MYO1A: variants seen among roughly 807,000 people sequenced by gnomAD.
MYO1A encodes unconventional myosin-Ia.
In MYO1A, 127 loss-of-function variants were observed where a neutral mutation model predicts 138.5. That is an observed-to-expected ratio of 0.92 (90% CI 0.79 to 1.06). The LOEUF is 1.06. Among genes scored for constraint, MYO1A ranks in the 50% least tolerant of loss-of-function variants. The pLI is 0.00. For synonymous variants in MYO1A, 477 were observed against 497.5 expected (o/e 0.96, Z 0.55); for missense variants, 1,211 against 1,288.8 (o/e 0.94, Z 0.92).
At position 57,038,525 on chromosome 12, in the gene MYO1A, CT is replaced by C; in HGVS notation, c.1646del (p.Glu549GlyfsTer27). The C allele has an allele frequency of 6.2e-7, 1 of 1,614,198 alleles. No individual in the cohort carries two copies. Among genetic ancestry groups the C allele is most frequent in the Non-Finnish European group, 8.5e-7 (1 of 1,180,048 alleles). On this transcript the variant is annotated frameshift_variant, in exon 17 of 28. Transcript: ENST00000300119. LOFTEE classifies it high-confidence loss of function. ...TGAGAGATGCCTGCTTAGGATTGCC[CT>C]CAGGAAACAAGGACCGAAGGAGGGG... ...QHPLLRSLFPEGNPKQASLKR... is the reference protein window; with the variant it reads ...QHPLLRSLFPXGNPKQASLKR...
At chr12:57,038,101 A>C in intron 17 of MYO1A, 32 bp from the exon 18 acceptor site, 1 of 1,607,176 alleles carries the variant, frequency 6.2e-7, no homozygotes, top group Non-Finnish European at 8.5e-7. Flanking sequence ...CACAGCCTTC[A>C]GGAGCTGACA....
chr12:57,037,120 G>C (rs772585336), intron 19 of MYO1A, 29 bp from the exon 20 acceptor site: 1 of 1,613,340 alleles, frequency 6.2e-7, no homozygotes. Flanking sequence ...GGGTGACAGA[G>C]AGACTGGCTC....
chr12:57,029,547 A>ACCCTTGG lies in MYO1A; in HGVS notation c.2764_2765insCCAAGGG (p.Ile922ThrfsTer35), dbSNP rs750893525. 61 of 1,614,110 alleles carry ACCCTTGG rather than the reference A, an allele frequency of 3.8e-5. No homozygotes were observed. Among genetic ancestry groups the ACCCTTGG allele is most frequent in the Non-Finnish European group, 5.2e-5 (61 of 1,180,044 alleles). On this transcript the variant is annotated frameshift_variant, in exon 26 of 28. Transcript: ENST00000300119. LOFTEE classifies it high-confidence loss of function. ...CTGGGACTTCTTGGTGTCTGTGAGA[A>ACCCTTGG]TCACATGGCCCTTGGTCAGGAGGAG... is the stretch of plus-strand genomic sequence containing the variant.
At chr12:57,036,445 T>A in intron 21 of MYO1A, 64 bp from the exon 22 acceptor site, 2 of 1,523,006 alleles carry the variant, frequency 1.3e-6, no homozygotes, top group Non-Finnish European at 1.8e-6. Context: ...GAGGTTGTAC[T>A]ATTTTTCAAC....
chr12:57,049,055 C>A (rs574833583), intron 1 of MYO1A, among the ~76,000 whole-genome samples: 1 of 152,266 alleles, frequency 6.6e-6, no homozygotes, highest in Non-Finnish European at 1.5e-5. Flanking sequence ...GGATGTGCTA[C>A]ATGTCTGTCT....
chr12:57,043,580 G>A (rs752369676), intron 10 of MYO1A, among the ~76,000 whole-genome samples: 3 of 152,136 alleles, frequency 2.0e-5, no homozygotes, highest in Non-Finnish European at 2.9e-5. Context: ...ACTTTAATAT[G>A]AGAATCTCCT....
rs747934437 is a variant in MYO1A, at chr12:57,038,002, G to A, written c.1828C>T (p.Arg610Trp). The A allele has an allele frequency of 9.3e-6, 15 of 1,614,060 alleles. No homozygotes were observed. Among genetic ancestry groups the A allele is most frequent in the East Asian group, 4.5e-5 (2 of 44,902 alleles). The change falls in exon 18 of 28, where the codon CGG (arginine) becomes TGG (tryptophan). Residue 610 changes from arginine (R) to tryptophan (W), a missense_variant. Coordinates refer to ENST00000300119, the MANE Select transcript of MYO1A (RefSeq NM_005379.4). ...ACGTTCTCCAGCAGTCCCAGGTACC[G>A]AGCCTGGGTTGCCACCAGGTCTGAA... Reference protein sequence around the residue: ...FSSDLVATQARYLGLLENVRV... With the variant: ...FSSDLVATQAWYLGLLENVRV...
chr12:57,037,153 C>T, intron 19 of MYO1A, 62 bp from the exon 20 acceptor site: 1 of 1,597,420 alleles, frequency 6.3e-7, no homozygotes, highest in Non-Finnish European at 8.6e-7. Context: ...CTGTCCTCTC[C>T]TATACCCCAC....
intron 14 of MYO1A, 109 bp from the exon 15 acceptor site, chr12:57,039,383 A>G (rs2136447783): frequency 2.4e-6 from 2 of 848,106 alleles, no homozygotes; most frequent in East Asian, 4.9e-5. Context: ...AGAAAGCCCC[A>G]TAGTTCACAG....
At chr12:57,043,732 C>T in intron 10 of MYO1A, 124 bp downstream of exon 10, 1 of 1,303,260 alleles carries the variant, frequency 7.7e-7, no homozygotes, top group African/African-American at 1.5e-5. Context: ...GGGGAGAACT[C>T]AGGAGTGGGC....
At chr12:57,030,337 G>T (rs1009884336) in intron 23 of MYO1A, 21 bp from the exon 24 acceptor site, 4 of 1,539,324 alleles carry the variant, frequency 2.6e-6, no homozygotes, top group South Asian at 1.1e-5. Flanking sequence ...GGAGGGACAG[G>T]AGCTAAAATC....
chr12:57,031,010 T>C (rs2030252809), intron 23 of MYO1A, 30 bp downstream of exon 23: 2 of 1,608,492 alleles, frequency 1.2e-6, no homozygotes, highest in East Asian at 2.2e-5. Flanking sequence ...AAAGACGAAA[T>C]GAGAGGAGGG....
Position 57,038,989 on chromosome 12 carries a change from G to A in MYO1A, c.1353C>T (p.Ala451=), listed in dbSNP as rs1431681863. ...LIEHNQRGIL[A]MLDEECLRPG... ...GCCGCAGGCACTCCTCATCCAACAT[G>A]GCCAGGATACCTCGCTGATTCTGGG... The change falls in exon 16 of 28, where the codon GCC becomes GCT. Residue 451 remains alanine (A), a synonymous_variant. Coordinates refer to ENST00000300119, the MANE Select transcript of MYO1A (RefSeq NM_005379.4). 3 of 1,614,008 alleles carry A rather than the reference G, an allele frequency of 1.9e-6. No homozygotes were observed. The highest frequency in any genetic ancestry group is 2.5e-6 in the Non-Finnish European group (3 of 1,179,978).
rs1053322144 is a variant in MYO1A, at chr12:57,029,685, G to A, written c.2724+55C>T. On this transcript the variant is annotated intron_variant, in intron 25 of 27. Coordinates refer to ENST00000300119, the MANE Select transcript of MYO1A (RefSeq NM_005379.4). Reference sequence around the variant, plus strand: ...ACAGCCTGCCATCTGCTCTCCAGATGCCAGCCCACAGCTCTGCACTAGCTG... The same window carrying A: ...ACAGCCTGCCATCTGCTCTCCAGATACCAGCCCACAGCTCTGCACTAGCTG... 11 of 1,613,902 alleles carry A rather than the reference G, an allele frequency of 6.8e-6. No individual in the cohort carries two copies. In the South Asian group the frequency reaches 9.9e-5, roughly 14 times the overall value.
At chr12:57,039,444 G>A (rs2030757059) in intron 14 of MYO1A, 170 bp from the exon 15 acceptor site, 1 of 661,004 alleles carries the variant, frequency 1.5e-6, no homozygotes, top group Non-Finnish European at 2.8e-6. Context: ...AAGGTTGGTG[G>A]AGAATTTGTG....
intron 7 of MYO1A, 47 bp from the exon 8 acceptor site, chr12:57,046,697 C>T (rs745437722): frequency 5.6e-5 from 86 of 1,543,498 alleles, no homozygotes; most frequent in Non-Finnish European, 7.3e-5. Flanking sequence ...TGGGAGATGC[C>T]GTAGCTTCTC....
Position 57,044,129 on chromosome 12 carries a change from C to G in MYO1A, c.721G>C (p.Ala241Pro). The change falls in exon 9 of 28, where the codon GCC becomes CCC. Residue 241 changes from alanine (A) to proline (P), a missense_variant. Coordinates refer to ENST00000300119, the MANE Select transcript of MYO1A (RefSeq NM_005379.4). Reference protein sequence around the residue: ...EVSRVDGMDDASSFRAVQSAM... With the variant: ...EVSRVDGMDDPSSFRAVQSAM... Reference sequence around the variant, plus strand: ...ACCTGTACAGCCCTGAAGCTGGAGGCGTCGTCCATGCCATCCACTCTGGAT... The same window carrying G: ...ACCTGTACAGCCCTGAAGCTGGAGGGGTCGTCCATGCCATCCACTCTGGAT... The G allele has an allele frequency of 6.2e-7, 1 of 1,614,184 alleles. No homozygotes were observed. Among genetic ancestry groups the G allele is most frequent in the Non-Finnish European group, 8.5e-7 (1 of 1,180,024 alleles).
chr12:57,041,615 A>T, intron 12 of MYO1A, 118 bp from the exon 13 acceptor site: 2 of 819,560 alleles, frequency 2.4e-6, no homozygotes, highest in East Asian at 4.9e-5. Flanking sequence ...AGCTTTGCCA[A>T]ACTGGAAAGG....
chr12:57,046,771 C>A (rs2031113484), intron 7 of MYO1A, 92 bp downstream of exon 7: 2 of 1,536,350 alleles, frequency 1.3e-6, no homozygotes, highest in Middle Eastern at 1.7e-4. Flanking sequence ...TCCTTGACGT[C>A]TAACATTCTG....
Sources: gnomAD v4.1 joint callset for allele counts (sites outside exome capture counted in the v4.1 genomes callset) on GRCh38, gnomAD v4.1.1 for gene constraint, MANE v1.5 for transcripts, NCBI Gene and HGNC (gene_info 2026-07-23, HGNC 2026-07-21) for gene names.